FBXO25: variants seen among roughly 807,000 people sequenced by gnomAD.
FBXO25 encodes the protein F-box only protein 25.
FBXO25 carries 45 observed loss-of-function variants against 51.9 expected under a neutral mutation model. The observed-to-expected ratio is 0.87, with a 90% CI of 0.68 to 1.11. The LOEUF (loss-of-function observed/expected upper bound fraction) is 1.11, where lower values mean the gene tolerates loss of function less well. FBXO25 is among the 50% of genes most tolerant of loss of function. The pLI is 0.00. For synonymous variants in FBXO25, 199 were observed against 151.0 expected, an observed-to-expected ratio of 1.32 and a Z score of -2.33; for missense variants, 507 against 428.5, an observed-to-expected ratio of 1.18 and a Z score of -1.62.
At position 474,866 on chromosome 8, in the gene FBXO25, G is replaced by C. The variant is rs1234564422; in HGVS notation, c.*6062G>C. 2.0e-5 allele frequency: 9 copies of C among 455,804 alleles called. No individual in the cohort carries two copies. In the East Asian group the frequency reaches 5.6e-4, roughly 28 times the overall value. The allele number at this position is 455,804 out of a possible 1,614,324, so 28.2% of individuals were successfully genotyped here. A position where few individuals can be genotyped will look rare whatever the true frequency, so the allele number is the denominator to read the frequency against. ...TTTTAGTTACCTGTGTGTGCCTCTG[G>C]TGTCATATCTAAGAAATCACTGCCT... is the stretch of plus-strand genomic sequence containing the variant. On this transcript the variant is annotated 3_prime_UTR_variant, in exon 10 of 10. Coordinates refer to ENST00000350302, the MANE Select transcript of FBXO25 (RefSeq NM_183420.2).
At chr8:429,334 G>T (rs987805532) in intron 2 of FBXO25, among the ~76,000 whole-genome samples, 1 of 152,090 alleles carries the variant, frequency 6.6e-6, no homozygotes, top group Non-Finnish European at 1.5e-5. Flanking sequence ...CTTGGCTGCT[G>T]TGTCTCTTCT....
In FBXO25 at chr8:463,086, C is replaced by T; in HGVS notation, c.923C>T (p.Pro308Leu). The part of the protein sequence containing the change: ...LMYFALQKHY[P>L]AKEQYGDTLH... ...TACTTTGCACTTCAGAAACATTACC[C>T]AGCGAAGGAGCAGTACGGAGACACA... is the stretch of plus-strand genomic sequence containing the variant. The change falls in exon 9 of 10, where the codon CCA (proline) becomes CTA (leucine). Residue 308 changes from proline to leucine, a missense_variant. Physicochemically the swap from Pro to Leu is moderately conservative, Grantham distance 98. Coordinates refer to ENST00000350302, the MANE Select transcript of FBXO25 (RefSeq NM_183420.2). The T allele has an allele frequency of 6.2e-7, 1 of 1,613,978 alleles. No individual in the cohort carries two copies. Among genetic ancestry groups the T allele is most frequent in the African/African-American group, 1.3e-5 (1 of 75,020 alleles).
intron 7 of FBXO25, among the ~76,000 whole-genome samples, chr8:452,209 C>T (rs1799140885): frequency 6.6e-6 from 1 of 152,168 alleles, no homozygotes; most frequent in Admixed American, 6.5e-5. Context: ...GTTTATTTGC[C>T]ATCTAAATAT....
Position 413,212 on chromosome 8 carries a change from A to G in FBXO25, c.133A>G (p.Ile45Val), listed in dbSNP as rs1796592721. ...TAACCGTTGTAACATCAGTCACAGCATGTAAGTTACAGCTGAGCAGAACCA... is the reference window on the plus strand; with the variant it reads ...TAACCGTTGTAACATCAGTCACAGCGTGTAAGTTACAGCTGAGCAGAACCA... ...ENNRCNISHSIILNSEDGEIF... is the reference protein window; with the variant it reads ...ENNRCNISHSVILNSEDGEIF... Residue 45 changes from isoleucine (I) to valine (V), a missense_variant and splice_region_variant, in exon 2 of 10, where the codon ATT becomes GTT. Transcript: ENST00000350302. 1.3e-6 allele frequency: 2 copies of G among 1,587,602 alleles called. No homozygotes were observed. Among genetic ancestry groups the G allele is most frequent in the South Asian group, 1.2e-5 (1 of 85,008 alleles).
chr8:426,455 G>C lies in FBXO25; in HGVS notation c.135-4886G>C, dbSNP rs559989959. Among the ~76,000 whole-genome samples, 106 of 152,102 alleles carry C rather than the reference G, an allele frequency of 7.0e-4. No individual in the cohort carries two copies. The Middle Eastern group carries it at 0.014, about 20-fold the overall frequency. Reference sequence around the variant, plus strand: ...TGATTTTACAGACATGCATTCTTAAGGGGGAGGAATTTATAGAACTGAAAG... The same window carrying C: ...TGATTTTACAGACATGCATTCTTAACGGGGAGGAATTTATAGAACTGAAAG... On this transcript the variant is annotated intron_variant, in intron 2 of 9. Coordinates refer to ENST00000350302, the MANE Select transcript of FBXO25 (RefSeq NM_183420.2).
chr8:435,492 G>A lies in FBXO25; in HGVS notation c.289-123G>A, dbSNP rs192663070. 1.3e-4 allele frequency: 138 copies of A among 1,056,010 alleles called. 1 individual carries two copies. The African/African-American group carries it at 2.1e-3, about 16-fold the overall frequency. 65.4% of individuals were successfully genotyped at this position (1,056,010 alleles called of 1,614,324 possible). ...ATACTCTCATCTAAATCTAAAATCA[G>A]TCTTCAAAATAAAAACAAATTGTCC... On this transcript the variant is annotated intron_variant, in intron 4 of 9. Coordinates refer to ENST00000350302, the MANE Select transcript of FBXO25 (RefSeq NM_183420.2).
rs1263278146 is a variant in FBXO25 at position 468,720 on chromosome 8, A to G, written c.993A>G (p.Ser331=). ...CATCTCCCACCTCCCCACAGGACTCAGGACACCCCTGCACGGCGGCCGACC... is the reference window on the plus strand; with the variant it reads ...CATCTCCCACCTCCCCACAGGACTCGGGACACCCCTGCACGGCGGCCGACC... The part of the protein sequence containing the change: ...RHCSILFWKD[S]GHPCTAADPD... Residue 331 remains serine (S), a synonymous_variant, in exon 10 of 10, where the codon TCA becomes TCG. Coordinates refer to ENST00000350302, the MANE Select transcript of FBXO25 (RefSeq NM_183420.2). The G allele has an allele frequency of 1.9e-6, 3 of 1,613,722 alleles. No individual in the cohort carries two copies. The highest frequency in any genetic ancestry group is 4.5e-5 in the East Asian group (2 of 44,856).
At position 477,254 on chromosome 8, in the gene FBXO25, G is replaced by C. The variant is rs1315598108; in HGVS notation, c.*8450G>C. ...TGCACTTGAGAAAAACGTGTGTACT[G>C]CTGTTGTGTCTGTTAGGTCCAGCTG... On this transcript the variant is annotated 3_prime_UTR_variant, in exon 10 of 10. Coordinates refer to ENST00000350302, the MANE Select transcript of FBXO25 (RefSeq NM_183420.2). The C allele has an allele frequency of 6.6e-6, 1 of 152,172 alleles. No individual in the cohort carries two copies. The highest frequency in any genetic ancestry group is 1.5e-5 in the Non-Finnish European group (1 of 68,032). 9.4% of individuals were successfully genotyped at this position (152,172 alleles called of 1,614,324 possible). A position where few individuals can be genotyped will look rare whatever the true frequency, so the allele number is the denominator to read the frequency against.
intron 9 of FBXO25, among the ~76,000 whole-genome samples, chr8:466,593 A>G (rs1051961132): frequency 1.2e-4 from 18 of 152,294 alleles, no homozygotes; most frequent in Middle Eastern, 6.8e-3. Context: ...GGACTTGGTC[A>G]TGAGCCGACA....
chr8:462,894 T>G (rs1332995118), intron 8 of FBXO25, 113 bp from the exon 9 acceptor site: 1 of 1,241,812 alleles, frequency 8.1e-7, no homozygotes. Context: ...CTAAAGCTAT[T>G]GAAGTTTAAA....
At chr8:438,167 G>C (rs1301807379) in intron 5 of FBXO25, among the ~76,000 whole-genome samples, 1 of 151,862 alleles carries the variant, frequency 6.6e-6, no homozygotes. Flanking sequence ...TGATTCTCCT[G>C]CCTCAGCCTC....
intron 2 of FBXO25, among the ~76,000 whole-genome samples, chr8:414,100 T>G (rs1340187699): frequency 6.6e-6 from 1 of 152,226 alleles, no homozygotes; most frequent in Non-Finnish European, 1.5e-5. Context: ...TTCAGTAACT[T>G]TAGGCCAGAG....
chr8:458,687 T>A (rs1799612168), intron 8 of FBXO25, 136 bp downstream of exon 8: 1 of 785,166 alleles, frequency 1.3e-6, no homozygotes, highest in Admixed American at 2.9e-5. Flanking sequence ...ACAATCAGAG[T>A]TTATTGAGAT....
In FBXO25 at chr8:472,043, C is replaced by T. The variant is rs747208242; in HGVS notation, c.*3239C>T. ...AATAGACAGTTTCACTTCTTCCTCTCAGTCTAGATGTCCTTTATTCTTTCT... is the reference window on the plus strand; with the variant it reads ...AATAGACAGTTTCACTTCTTCCTCTTAGTCTAGATGTCCTTTATTCTTTCT... On this transcript the variant is annotated 3_prime_UTR_variant, in exon 10 of 10. Transcript: ENST00000350302. The T allele has an allele frequency of 4.6e-5, 7 of 152,212 alleles. No individual in the cohort carries two copies. The highest frequency in any genetic ancestry group is 8.8e-5 in the Non-Finnish European group (6 of 68,044). The allele number at this position is 152,212 out of a possible 1,614,324, so 9.4% of individuals were successfully genotyped here.
chr8:465,182 G>A (rs773806050), intron 9 of FBXO25, among the ~76,000 whole-genome samples: 1 of 148,584 alleles, frequency 6.7e-6, no homozygotes, highest in Non-Finnish European at 1.5e-5. Context: ...ACCTGACCCT[G>A]GAGGGAACAG....
intron 4 of FBXO25, among the ~76,000 whole-genome samples, chr8:433,693 T>G (rs980701098): frequency 1.3e-5 from 2 of 152,210 alleles, no homozygotes; most frequent in African/African-American, 4.8e-5. Flanking sequence ...TGCTTTATTT[T>G]GCAACAATTG....
intron 7 of FBXO25, among the ~76,000 whole-genome samples, chr8:454,945 G>C (rs537817920): frequency 1.8e-4 from 28 of 151,402 alleles, no homozygotes; most frequent in African/African-American, 6.6e-4. Flanking sequence ...TCCAGGTGAT[G>C]GCCTCCTGGT....
At chr8:429,517 C>A (rs1466314952) in intron 2 of FBXO25, among the ~76,000 whole-genome samples, 1 of 152,180 alleles carries the variant, frequency 6.6e-6, no homozygotes, top group Non-Finnish European at 1.5e-5. Context: ...GTAGTTGATA[C>A]ATGCAGAATG....
rs1301455394 is a variant in FBXO25 at position 468,789 on chromosome 8, C to T, written c.1062C>T (p.Asp354=). Reference sequence around the variant, plus strand: ...CTGTGTCTCCGCAGCACTTCATCGACCTCTTCAAGTTTTAAGGGCTGCCCC... The same window carrying T: ...CTGTGTCTCCGCAGCACTTCATCGATCTCTTCAAGTTTTAAGGGCTGCCCC... ...FTPVSPQHFI[D]LFKF Residue 354 remains aspartate, a synonymous_variant, in exon 10 of 10, where the codon GAC becomes GAT. Transcript: ENST00000350302. 2 of 1,614,002 alleles carry T rather than the reference C, an allele frequency of 1.2e-6. No individual in the cohort carries two copies. Among genetic ancestry groups the T allele is most frequent in the Admixed American group, 1.7e-5 (1 of 60,010 alleles).
Sources: gnomAD v4.1 joint callset for allele counts (sites outside exome capture counted in the v4.1 genomes callset) on GRCh38, gnomAD v4.1.1 for gene constraint, MANE v1.5 for transcripts, NCBI Gene and HGNC (gene_info 2026-07-23, HGNC 2026-07-21) for gene names.